PCDH7: variants seen among roughly 807,000 people sequenced by gnomAD.
The protein encoded by PCDH7 is protocadherin-7.
In PCDH7, 17 loss-of-function variants were observed where a neutral mutation model predicts 58.9. That is an observed-to-expected ratio of 0.29 (90% CI 0.20 to 0.43). The LOEUF (loss-of-function observed/expected upper bound fraction) is 0.43, where lower values mean the gene tolerates loss of function less well. Among genes scored for constraint, PCDH7 ranks in the 20% least tolerant of loss-of-function variants. The pLI, the probability that PCDH7 is intolerant of heterozygous loss-of-function variation, is 1.00. For missense variants in PCDH7, 1,274 were observed against 1,441.0 expected (o/e 0.88, Z 1.88); for synonymous variants, 664 against 616.4 (o/e 1.08, Z -1.14).
At chr4:30,840,577 A>T (rs888197457) in intron 1 of PCDH7, among the ~76,000 whole-genome samples, 4 of 152,192 alleles carry the variant, frequency 2.6e-5, no homozygotes, top group African/African-American at 9.7e-5. Flanking sequence ...ATTTTTATAG[A>T]AACAATAATG....
At chr4:30,810,700 C>T (rs1464043784) in intron 1 of PCDH7, among the ~76,000 whole-genome samples, 2 of 151,640 alleles carry the variant, frequency 1.3e-5, no homozygotes, top group Non-Finnish European at 2.9e-5. Context: ...CAACCTCTGC[C>T]TCCCGGTTCA....
At chr4:30,822,743 A>T (rs983460355) in intron 1 of PCDH7, among the ~76,000 whole-genome samples, 1 of 151,676 alleles carries the variant, frequency 6.6e-6, no homozygotes, top group East Asian at 1.9e-4. Flanking sequence ...CGCAGAGGAT[A>T]ATCTACACAA....
chr4:31,083,853 A>G (rs1711948814), intron 3 of PCDH7, among the ~76,000 whole-genome samples: 2 of 152,252 alleles, frequency 1.3e-5, no homozygotes, highest in African/African-American at 4.8e-5. Context: ...CTTGTACCAC[A>G]TTCCTCCCCA....
chr4:31,118,874 G>GA (rs1213298383), intron 3 of PCDH7, among the ~76,000 whole-genome samples: 3 of 151,962 alleles, frequency 2.0e-5, no homozygotes, highest in African/African-American at 7.2e-5. Flanking sequence ...GAAAAGAAAG[G>GA]AAAAAAGAGA....
intron 3 of PCDH7, among the ~76,000 whole-genome samples, chr4:31,033,258 T>C (rs898024652): frequency 9.9e-5 from 15 of 152,160 alleles, no homozygotes; most frequent in Admixed American, 5.2e-4. Flanking sequence ...AACAGCATGC[T>C]CCATCAATAG....
chr4:30,834,802 C>T (rs564346500), intron 1 of PCDH7, among the ~76,000 whole-genome samples: 1 of 151,964 alleles, frequency 6.6e-6, no homozygotes, highest in South Asian at 2.1e-4. Context: ...TAGATTTATA[C>T]AGCAAAATTT....
intron 3 of PCDH7, among the ~76,000 whole-genome samples, chr4:30,975,719 A>G (rs1298478154): frequency 6.6e-6 from 1 of 152,194 alleles, no homozygotes; most frequent in Non-Finnish European, 1.5e-5. Flanking sequence ...GCATAGTAAA[A>G]ATAAATGCCC....
chr4:30,918,296 C>T (rs1578283486), intron 1 of PCDH7, among the ~76,000 whole-genome samples: 1 of 151,890 alleles, frequency 6.6e-6, no homozygotes, highest in South Asian at 2.1e-4. Context: ...CAAGGTGAGA[C>T]CAAAAACATT....
intron 3 of PCDH7, among the ~76,000 whole-genome samples, chr4:31,008,016 G>T (rs571221695): frequency 2.6e-5 from 4 of 152,102 alleles, no homozygotes; most frequent in Non-Finnish European, 5.9e-5. Flanking sequence ...GTTGCAAGAA[G>T]GGAGGGGAGA....
intron 2 of PCDH7, among the ~76,000 whole-genome samples, chr4:30,932,106 C>A (rs1281405032): frequency 6.6e-6 from 1 of 152,018 alleles, no homozygotes; most frequent in East Asian, 1.9e-4. Context: ...TTTTAAGATT[C>A]TTGACATTGT....
At chr4:31,116,931 G>A (rs1717067323) in intron 3 of PCDH7, among the ~76,000 whole-genome samples, 1 of 152,148 alleles carries the variant, frequency 6.6e-6, no homozygotes, top group Non-Finnish European at 1.5e-5. Context: ...TGCCTCCTGG[G>A]TTCAAGTGAT....
intron 1 of PCDH7, among the ~76,000 whole-genome samples, chr4:30,793,079 C>T (rs1724336768): frequency 6.6e-6 from 1 of 152,006 alleles, no homozygotes; most frequent in South Asian, 2.1e-4. Context: ...ATCATGTGGG[C>T]CTTTTAAATA....
chr4:31,077,729 A>G (rs954419215), intron 3 of PCDH7, among the ~76,000 whole-genome samples: 1 of 152,170 alleles, frequency 6.6e-6, no homozygotes, highest in Non-Finnish European at 1.5e-5. Context: ...GGAATTGATA[A>G]GGAAAGCACA....
chr4:30,724,415 C>A (rs1341333653), exon 1 of PCDH7: 1 of 1,613,886 alleles, frequency 6.2e-7, no homozygotes, highest in African/African-American at 1.3e-5. Context: ...CATTACAAAT[C>A]TAGTTCCCCA....
intron 3 of PCDH7, among the ~76,000 whole-genome samples, chr4:31,084,508 T>C (rs532883875): frequency 3.5e-4 from 53 of 150,896 alleles, no homozygotes; most frequent in African/African-American, 1.3e-3. Context: ...TCAAAAGAGG[T>C]TTAATTGGCT....
chr4:30,957,421 G>A (rs1325973881), intron 3 of PCDH7, among the ~76,000 whole-genome samples: 1 of 152,124 alleles, frequency 6.6e-6, no homozygotes, highest in African/African-American at 2.4e-5. Context: ...AAGCCAGTGT[G>A]TTCAAATAAT....
intron 2 of PCDH7, among the ~76,000 whole-genome samples, chr4:30,944,008 A>AT (rs1240010607): frequency 6.6e-6 from 1 of 151,912 alleles, no homozygotes. Context: ...CAGGATTATT[A>AT]TTTTTTTTAT....
chr4:30,729,072 A>G (rs1170469171), intron 1 of PCDH7, among the ~76,000 whole-genome samples: 1 of 151,894 alleles, frequency 6.6e-6, no homozygotes, highest in African/African-American at 2.4e-5. Flanking sequence ...GGTGTCAAAC[A>G]GTCCCCTCAT....
chr4:30,872,213 T>A (rs750332326), intron 1 of PCDH7, among the ~76,000 whole-genome samples: 2 of 152,104 alleles, frequency 1.3e-5, no homozygotes, highest in Non-Finnish European at 2.9e-5. Context: ...GAAGCAACTA[T>A]AATCATATCA....
Sources: gnomAD v4.1 joint callset for allele counts (sites outside exome capture counted in the v4.1 genomes callset) on GRCh38, gnomAD v4.1.1 for gene constraint, MANE v1.5 for transcripts, NCBI Gene and HGNC (gene_info 2026-07-23, HGNC 2026-07-21) for gene names.